The following ADAMTS18 variants were observed in gnomAD, a reference collection of about 807,000 sequenced individuals.
The protein encoded by ADAMTS18 is A disintegrin and metalloproteinase with thrombospondin motifs 18.
Under a neutral mutation model 165.9 loss-of-function variants are expected in ADAMTS18, and 157 were observed. The ratio of observed to expected loss-of-function variants is 0.95; its 90% CI spans 0.83 to 1.08. The LOEUF (loss-of-function observed/expected upper bound fraction) is 1.08, where lower values mean the gene tolerates loss of function less well. ADAMTS18 is among the 50% of genes least tolerant of loss of function. The pLI is 0.00. For synonymous variants in ADAMTS18, 782 were observed against 578.2 expected (o/e 1.35, Z -5.06); for missense variants, 2,040 against 1,534.0 (o/e 1.33, Z -5.51).
intron 3 of ADAMTS18, among the ~76,000 whole-genome samples, chr16:77,402,195 C>A (rs1034829885): frequency 6.6e-6 from 1 of 152,180 alleles, no homozygotes; most frequent in Non-Finnish European, 1.5e-5. Context: ...TGCAAACACA[C>A]AGGTATACAA....
At chr16:77,431,886 T>C in intron 2 of ADAMTS18, 2 of 519,050 alleles carry the variant, frequency 3.9e-6, no homozygotes, top group African/African-American at 3.8e-5. Flanking sequence ...CCTCTCATTG[T>C]CTGGAGAGAG....
intron 3 of ADAMTS18, among the ~76,000 whole-genome samples, chr16:77,415,029 G>GACAT (rs1164978950): frequency 6.6e-6 from 1 of 152,278 alleles, no homozygotes; most frequent in East Asian, 1.9e-4. Context: ...CAAGACAACT[G>GACAT]ACATAGAAAG....
At chr16:77,392,797 T>G (rs187026702) in intron 3 of ADAMTS18, among the ~76,000 whole-genome samples, 144 of 152,262 alleles carry the variant, frequency 9.5e-4, no homozygotes, top group Non-Finnish European at 1.7e-3. Context: ...AGTGCTAAAA[T>G]TACATCTTTC....
intron 16 of ADAMTS18, among the ~76,000 whole-genome samples, chr16:77,311,766 T>C (rs1384674973): frequency 6.7e-6 from 1 of 148,642 alleles, no homozygotes; most frequent in Non-Finnish European, 1.5e-5. Context: ...CCTTTAAAAA[T>C]ACAAGCAAGG....
chr16:77,298,942 C>A (rs140121560), intron 17 of ADAMTS18, among the ~76,000 whole-genome samples: 1 of 152,248 alleles, frequency 6.6e-6, no homozygotes, highest in Non-Finnish European at 1.5e-5. Context: ...CAGGGCAAGG[C>A]GAGAATTTCA....
At chr16:77,403,249 A>T (rs1051750528) in intron 3 of ADAMTS18, among the ~76,000 whole-genome samples, 3 of 152,152 alleles carry the variant, frequency 2.0e-5, no homozygotes, top group African/African-American at 7.2e-5. Context: ...TCCAGAAAGA[A>T]TTTTTTTATC....
intron 11 of ADAMTS18, among the ~76,000 whole-genome samples, chr16:77,338,110 G>T (rs1246625434): frequency 6.6e-6 from 1 of 151,956 alleles, no homozygotes; most frequent in Non-Finnish European, 1.5e-5. Context: ...CACCACGTTG[G>T]CCAGGCTGGT....
Position 77,431,335 on chromosome 16 carries a change from T to C in ADAMTS18, c.455A>G (p.Asp152Gly), listed in dbSNP as rs757575432. The change falls in exon 3 of 23, where the codon GAC becomes GGC. Residue 152 changes from aspartate (D) to glycine (G), a missense_variant. Coordinates refer to ENST00000282849, the MANE Select transcript of ADAMTS18 (RefSeq NM_199355.4). ...AGACACAGCGACAGAGGAGGAGCTG[T>C]CATTTCTGATAAATCCCTGATAGAA... ...QCFYQGFIRNDSSSSVAVSTC... is the reference protein window; with the variant it reads ...QCFYQGFIRNGSSSSVAVSTC... 6.2e-7 allele frequency: 1 copy of C among 1,614,134 alleles called. No individual in the cohort carries two copies. The highest frequency in any genetic ancestry group is 2.2e-5 in the East Asian group (1 of 44,874).
At position 77,294,819 on chromosome 16, in the gene ADAMTS18, C is replaced by T. The variant is rs1295769913; in HGVS notation, c.3006+104G>A. 6.3e-6 allele frequency: 7 copies of T among 1,118,716 alleles called. No individual in the cohort carries two copies. The African/African-American group carries it at 1.1e-4, about 17-fold the overall frequency. The allele number at this position is 1,118,716 out of a possible 1,614,324, so 69.3% of individuals were successfully genotyped here. A position where few individuals can be genotyped will look rare whatever the true frequency, so the allele number is the denominator to read the frequency against. ...CAGGCACATGAACTCAGGGTGATTT[C>T]CATGAACATGTAAACTGCCAAGAGC... On this transcript the variant is annotated intron_variant, in intron 19 of 22. Transcript: ENST00000282849.
At chr16:77,364,839 C>G (rs1040698303) in intron 4 of ADAMTS18, among the ~76,000 whole-genome samples, 20 of 152,122 alleles carry the variant, frequency 1.3e-4, no homozygotes, top group African/African-American at 4.3e-4. Flanking sequence ...GGCGTGGTGG[C>G]TCACGCCCGT....
intron 16 of ADAMTS18, among the ~76,000 whole-genome samples, chr16:77,303,896 G>A (rs1045193918): frequency 2.6e-5 from 4 of 152,132 alleles, no homozygotes; most frequent in African/African-American, 9.7e-5. Flanking sequence ...CAGGCCTGGT[G>A]GTGGGCACCT....
At chr16:77,313,897 G>C (rs1275473590) in intron 16 of ADAMTS18, among the ~76,000 whole-genome samples, 2 of 152,102 alleles carry the variant, frequency 1.3e-5, no homozygotes, top group African/African-American at 4.8e-5. Flanking sequence ...ATCTAAAAAA[G>C]GACTTAAAAA....
At chr16:77,413,300 T>C (rs539091229) in intron 3 of ADAMTS18, among the ~76,000 whole-genome samples, 1 of 152,206 alleles carries the variant, frequency 6.6e-6, no homozygotes, top group East Asian at 1.9e-4. Context: ...AATAAAACAT[T>C]AAAACTAAAG....
chr16:77,322,285 T>C, intron 14 of ADAMTS18, 51 bp downstream of exon 14: 1 of 1,606,584 alleles, frequency 6.2e-7, no homozygotes, highest in Non-Finnish European at 8.5e-7. Context: ...ACACACGATA[T>C]GATAAAACAC....
At chr16:77,296,107 T>C (rs907596167) in intron 18 of ADAMTS18, among the ~76,000 whole-genome samples, 26 of 152,244 alleles carry the variant, frequency 1.7e-4, no homozygotes, top group African/African-American at 5.1e-4. Context: ...ACACTACTTA[T>C]GAAGATGATC....
At chr16:77,300,144 C>G in intron 17 of ADAMTS18, 119 bp downstream of exon 17, 1 of 1,212,738 alleles carries the variant, frequency 8.2e-7, no homozygotes, top group Non-Finnish European at 1.2e-6. Flanking sequence ...GGTGATGGTT[C>G]TCATAAAAGA....
intron 3 of ADAMTS18, among the ~76,000 whole-genome samples, chr16:77,381,160 C>T (rs565111013): frequency 6.6e-6 from 1 of 152,144 alleles, no homozygotes; most frequent in South Asian, 2.1e-4. Flanking sequence ...AGGCGTGAGT[C>T]ACCATGCCTG....
chr16:77,373,851 T>C (rs2056912063), intron 3 of ADAMTS18, among the ~76,000 whole-genome samples: 1 of 152,194 alleles, frequency 6.6e-6, no homozygotes, highest in African/African-American at 2.4e-5. Flanking sequence ...TATGCAGTTT[T>C]ATTGCACACT....
intron 3 of ADAMTS18, among the ~76,000 whole-genome samples, chr16:77,406,042 T>C (rs535035640): frequency 6.6e-6 from 1 of 152,318 alleles, no homozygotes; most frequent in South Asian, 2.1e-4. Flanking sequence ...AGTCTAACTT[T>C]GATACCCAAA....
Sources: gnomAD v4.1 joint callset for allele counts (sites outside exome capture counted in the v4.1 genomes callset) on GRCh38, gnomAD v4.1.1 for gene constraint, MANE v1.5 for transcripts, NCBI Gene and HGNC (gene_info 2026-07-23, HGNC 2026-07-21) for gene names.